The following TEX36 variants were observed in gnomAD, a reference collection of about 807,000 sequenced individuals.
TEX36 encodes testis expressed 36, also known as testis-expressed protein 36.
A neutral mutation model predicts 13.6 loss-of-function variants in TEX36; 12 were observed. The observed-to-expected ratio is 0.88, with a 90% CI of 0.56 to 1.43. TEX36 has a LOEUF of 1.43. Among genes scored for constraint, TEX36 ranks in the 40% most tolerant of loss-of-function variants. The pLI, the probability that TEX36 is intolerant of heterozygous loss-of-function variation, is 0.00. For missense variants in TEX36, 224 were observed against 228.3 expected (o/e 0.98, Z 0.12); for synonymous variants, 93 against 83.0 (o/e 1.12, Z -0.65).
intron 3 of TEX36, among the ~76,000 whole-genome samples, chr10:125,577,339 A>C (rs2133517748): frequency 6.6e-6 from 1 of 152,272 alleles, no homozygotes; most frequent in South Asian, 2.1e-4. Context: ...TCTACTAAAA[A>C]TACAAAAAAT....
At chr10:125,673,364 C>T (rs908799524) in intron 1 of TEX36, among the ~76,000 whole-genome samples, 1 of 152,110 alleles carries the variant, frequency 6.6e-6, no homozygotes, top group African/African-American at 2.4e-5. Context: ...TTTTCCTTCA[C>T]TTATGAAGCT....
intron 3 of TEX36, among the ~76,000 whole-genome samples, chr10:125,634,222 T>C (rs1025738331): frequency 2.0e-5 from 3 of 152,148 alleles, no homozygotes; most frequent in Non-Finnish European, 4.4e-5. Flanking sequence ...GATTGGGGAC[T>C]TAAAATATAG....
intron 3 of TEX36, among the ~76,000 whole-genome samples, chr10:125,656,885 GC>G (rs1424160884): frequency 6.6e-6 from 1 of 151,954 alleles, no homozygotes; most frequent in African/African-American, 2.4e-5. Flanking sequence ...GCACTGAGCT[GC>G]CCCCCAGCAC....
At chr10:125,587,978 C>T (rs951899282) in intron 3 of TEX36, among the ~76,000 whole-genome samples, 1 of 152,032 alleles carries the variant, frequency 6.6e-6, no homozygotes, top group East Asian at 1.9e-4. Flanking sequence ...TGTTTTTTAA[C>T]TAGATTCTCC....
chr10:125,657,437 G>A (rs1322256168), intron 3 of TEX36, among the ~76,000 whole-genome samples: 1 of 152,192 alleles, frequency 6.6e-6, no homozygotes, highest in South Asian at 2.1e-4. Context: ...TGTATGACGC[G>A]GGGCACAATG....
In TEX36 at chr10:125,656,195, C is replaced by T. The variant is rs373093013; in HGVS notation, c.266G>A (p.Gly89Asp). ...LENSGCYLDSGLGRKKISPDK... is the reference protein window; with the variant it reads ...LENSGCYLDSDLGRKKISPDK... ...TGGAGAGATCTTCTTACGTCCCAGG[C>T]CCTGGAGAGAAGAATTACAAGATTC... Residue 89 changes from glycine to aspartate, a missense_variant and splice_region_variant, in exon 4 of 4, where the codon GGC becomes GAC. Coordinates refer to ENST00000368821, the MANE Select transcript of TEX36 (RefSeq NM_001128202.3). 17 of 1,458,446 alleles carry T rather than the reference C, an allele frequency of 1.2e-5. No individual in the cohort carries two copies. The highest frequency in any genetic ancestry group is 1.4e-5 in the Non-Finnish European group (16 of 1,107,664). The allele number at this position is 1,458,446 out of a possible 1,614,324, so 90.3% of individuals were successfully genotyped here.
chr10:125,644,013 T>C (rs1846729530), intron 3 of TEX36, among the ~76,000 whole-genome samples: 1 of 151,922 alleles, frequency 6.6e-6, no homozygotes. Flanking sequence ...TAAAGGCAAA[T>C]AGACACAACA....
At chr10:125,631,690 G>T (rs297236) in intron 3 of TEX36, among the ~76,000 whole-genome samples, 24,000 of 152,180 alleles carry the variant, frequency 0.16, 3,481 homozygotes, top group African/African-American at 0.38. Context: ...TGGTGGGTAG[G>T]GGGAGAAGCA....
At chr10:125,581,950 G>A (rs1315769368) in intron 3 of TEX36, among the ~76,000 whole-genome samples, 1 of 152,242 alleles carries the variant, frequency 6.6e-6, no homozygotes, top group African/African-American at 2.4e-5. Flanking sequence ...CACAGAGGCA[G>A]CAGTGAGAGG....
chr10:125,626,286 C>A (rs1438614994), intron 3 of TEX36, among the ~76,000 whole-genome samples: 1 of 152,178 alleles, frequency 6.6e-6, no homozygotes, highest in Non-Finnish European at 1.5e-5. Flanking sequence ...CTGCAACAGT[C>A]GGCTCCCCAT....
chr10:125,659,042 T>A (rs1192327489), intron 3 of TEX36, among the ~76,000 whole-genome samples: 1 of 152,166 alleles, frequency 6.6e-6, no homozygotes, highest in African/African-American at 2.4e-5. Flanking sequence ...GGCAAATACG[T>A]ATCAGCAAAA....
chr10:125,663,130 A>C (rs1044653360), intron 1 of TEX36, among the ~76,000 whole-genome samples: 1 of 152,224 alleles, frequency 6.6e-6, no homozygotes, highest in Non-Finnish European at 1.5e-5. Context: ...GCCTGATGAG[A>C]GAGACTAAAC....
At chr10:125,597,112 G>T (rs17153231) in intron 3 of TEX36, among the ~76,000 whole-genome samples, 9 of 152,152 alleles carry the variant, frequency 5.9e-5, no homozygotes, top group Admixed American at 5.2e-4. Flanking sequence ...GGGAGTGACT[G>T]TTGACTTCAC....
intron 1 of TEX36, among the ~76,000 whole-genome samples, chr10:125,681,165 G>C (rs1437493923): frequency 6.6e-6 from 1 of 152,182 alleles, no homozygotes; most frequent in Non-Finnish European, 1.5e-5. Flanking sequence ...TGCCTGAGTT[G>C]TGGATTCACT....
intron 1 of TEX36, among the ~76,000 whole-genome samples, chr10:125,675,399 G>C (rs1366985100): frequency 1.3e-5 from 2 of 151,014 alleles, no homozygotes; most frequent in African/African-American, 4.9e-5. Context: ...GTCGTCTTAG[G>C]CAGCAGGCAC....
chr10:125,666,862 G>T (rs1182324921), intron 1 of TEX36: 1 of 361,010 alleles, frequency 2.8e-6, no homozygotes, highest in East Asian at 5.7e-5. Flanking sequence ...GAACAGCCGG[G>T]GAACACCTCC....
rs1565189546 is a variant in TEX36 at position 125,667,571 on chromosome 10, C to A, written c.52-5594G>T. 5 of 738,010 alleles carry A rather than the reference C, an allele frequency of 6.8e-6. No individual in the cohort carries two copies. In the East Asian group the frequency reaches 7.7e-5, roughly 11 times the overall value. 45.7% of individuals were successfully genotyped at this position (738,010 alleles called of 1,614,324 possible). ...ACAGCACTCAGACAGCCCATACAAC[C>A]CTTGGGTGGTGGTCTCGCCATTTGT... On this transcript the variant is annotated intron_variant, in intron 1 of 3. Transcript: ENST00000368821.
At chr10:125,640,639 C>A (rs977681641) in intron 3 of TEX36, among the ~76,000 whole-genome samples, 2 of 152,088 alleles carry the variant, frequency 1.3e-5, no homozygotes, top group East Asian at 1.9e-4. Flanking sequence ...AACATGGCAC[C>A]AGGATTAGCG....
chr10:125,635,821 C>T (rs540311803), intron 3 of TEX36, among the ~76,000 whole-genome samples: 49 of 152,122 alleles, frequency 3.2e-4, no homozygotes, highest in Middle Eastern at 3.4e-3. Flanking sequence ...CAGCCATCCA[C>T]GGCTCTTTCA....
Sources: gnomAD v4.1 joint callset for allele counts (sites outside exome capture counted in the v4.1 genomes callset) on GRCh38, gnomAD v4.1.1 for gene constraint, MANE v1.5 for transcripts, NCBI Gene and HGNC (gene_info 2026-07-23, HGNC 2026-07-21) for gene names.